Variants in TEX14 observed in about 807,000 individuals in gnomAD.
TEX14 encodes testis expressed 14, intercellular bridge forming factor.
In TEX14, 168 loss-of-function variants were observed where a neutral mutation model predicts 178.6. That is an observed-to-expected ratio of 0.94 (90% CI 0.83 to 1.07). The LOEUF (loss-of-function observed/expected upper bound fraction) is 1.07, where lower values mean the gene tolerates loss of function less well. Ranked by LOEUF, TEX14 falls within the 50% of genes least tolerant of loss-of-function variation. The probability of loss-of-function intolerance (pLI) is 0.00; values close to 1 mark genes in which losing one functional copy is unlikely to be tolerated. For missense variants in TEX14, 1,730 were observed against 1,753.6 expected (o/e 0.99, Z 0.24); for synonymous variants, 626 against 634.1 (o/e 0.99, Z 0.19).
At chr17:58,647,844 T>TG (rs1257364299) in intron 2 of TEX14, 1 of 152,004 alleles carries the variant, frequency 6.6e-6, no homozygotes, top group African/African-American at 2.4e-5. Context: ...ACTACAGGCA[T>TG]GTGCCACCAA....
At chr17:58,660,473 C>T in intron 1 of TEX14, 1 of 602,550 alleles carries the variant, frequency 1.7e-6, no homozygotes, top group Non-Finnish European at 3.0e-6. Context: ...GCATCTTTGC[C>T]TTCGTTTTAC....
intron 1 of TEX14, among the ~76,000 whole-genome samples, chr17:58,669,733 C>CAAAAAAAAAAAAAAAAAAA: frequency 1.8e-5 from 1 of 56,300 alleles, no homozygotes; most frequent in Non-Finnish European, 3.5e-5. Context: ...GACTCCGTCT[C>CAAAAAAAAAAAAAAAAAAA]AAAAAAAAAA....
intron 2 of TEX14, among the ~76,000 whole-genome samples, chr17:58,639,591 T>G (rs1373805695): frequency 1.3e-5 from 2 of 152,082 alleles, no homozygotes; most frequent in Non-Finnish European, 2.9e-5. Context: ...TCCCAGCTAC[T>G]TGGGAGGCTG....
Position 58,602,513 on chromosome 17 carries a change from C to T in TEX14, c.1414G>A (p.Val472Ile). The T allele has an allele frequency of 8.1e-6, 13 of 1,614,002 alleles. No homozygotes were observed. Among genetic ancestry groups the T allele is most frequent in the Non-Finnish European group, 1.1e-5 (13 of 1,179,996 alleles). ...VVSGNYLEAD[V>I]RLPKPYYDIV... ...TCATAGTAAGGTTTCGGAAGCCTGA[C>T]ATCAGCTTCTAAATAATTCCCCGAG... Residue 472 changes from valine (V) to isoleucine (I), a missense_variant, in exon 12 of 32, where the codon GTC (valine) becomes ATC (isoleucine). Coordinates refer to ENST00000349033, the MANE Select transcript of TEX14 (RefSeq NM_031272.5).
intron 15 of TEX14, among the ~76,000 whole-genome samples, chr17:58,590,276 A>AAC (rs1555569004): frequency 6.6e-6 from 1 of 151,314 alleles, no homozygotes; most frequent in Non-Finnish European, 1.5e-5. Context: ...AAAAAAAAAA[A>AAC]AAAACCATGA....
chr17:58,613,326 A>C, intron 9 of TEX14, 95 bp downstream of exon 9: 1 of 1,460,062 alleles, frequency 6.8e-7, no homozygotes, highest in Non-Finnish European at 9.5e-7. Context: ...TCTTCCATGC[A>C]TGCAGAAATG....
chr17:58,598,183 G>A lies in TEX14; in HGVS notation c.2469+693C>T, dbSNP rs140002869. ...TACAAAATTAGCCAGGCATGGTGGC[G>A]CATGACTGTAATCCCACCTGCTAGG... On this transcript the variant is annotated intron_variant, in intron 14 of 31. Transcript: ENST00000349033. Among the ~76,000 whole-genome samples, 1,300 of 151,956 alleles carry A rather than the reference G, an allele frequency of 8.6e-3. 7 individuals are homozygous for A. Among genetic ancestry groups the A allele is most frequent in the Non-Finnish European group, 0.014 (924 of 67,940 alleles).
intron 2 of TEX14, among the ~76,000 whole-genome samples, chr17:58,644,738 G>A (rs996004752): frequency 7.1e-6 from 1 of 140,652 alleles, no homozygotes; most frequent in African/African-American, 2.7e-5. Context: ...GCCCCCCCTG[G>A]TTCAAGCGAT....
At chr17:58,642,262 C>T (rs1457070348) in intron 2 of TEX14, among the ~76,000 whole-genome samples, 3 of 152,290 alleles carry the variant, frequency 2.0e-5, no homozygotes, top group Non-Finnish European at 2.9e-5. Context: ...ATTCACATGG[C>T]ACAGTGTTCT....
intron 2 of TEX14, among the ~76,000 whole-genome samples, chr17:58,635,022 C>T (rs1030321288): frequency 6.6e-6 from 1 of 151,880 alleles, no homozygotes; most frequent in Non-Finnish European, 1.5e-5. Flanking sequence ...ATACTAGCTA[C>T]TCAGGAGGCT....
intron 3 of TEX14, among the ~76,000 whole-genome samples, chr17:58,629,405 G>A (rs148007057): frequency 0.037 from 5,302 of 143,424 alleles, 149 homozygotes; most frequent in East Asian, 0.082. Flanking sequence ...AGTGAGCCAA[G>A]ATCCTGCCAC....
At chr17:58,590,857 A>C (rs2045119228) in intron 15 of TEX14, among the ~76,000 whole-genome samples, 1 of 151,828 alleles carries the variant, frequency 6.6e-6, no homozygotes. Flanking sequence ...GCCCAGCCCA[A>C]CAATTTCAAA....
chr17:58,575,054 A>G (rs2044643591), intron 21 of TEX14, among the ~76,000 whole-genome samples: 1 of 152,078 alleles, frequency 6.6e-6, no homozygotes, highest in African/African-American at 2.4e-5. Context: ...ATTCAATGTC[A>G]GTACTCACTG....
intron 15 of TEX14, among the ~76,000 whole-genome samples, chr17:58,592,335 T>C (rs2045167236): frequency 6.6e-6 from 1 of 151,234 alleles, no homozygotes; most frequent in African/African-American, 2.4e-5. Context: ...GTTCGAGTGA[T>C]TCTTTTTTTT....
chr17:58,592,983 C>T (rs2045193426), intron 15 of TEX14, among the ~76,000 whole-genome samples: 1 of 151,900 alleles, frequency 6.6e-6, no homozygotes, highest in African/African-American at 2.4e-5. Context: ...AATACATATA[C>T]ATATATGTAT....
chr17:58,579,541 C>T, intron 20 of TEX14, 124 bp downstream of exon 20: 1 of 773,458 alleles, frequency 1.3e-6, no homozygotes, highest in South Asian at 1.8e-5. Flanking sequence ...GTTTTCTCAA[C>T]CATATAATGA....
At position 58,593,640 on chromosome 17, in the gene TEX14, CA is replaced by C; in HGVS notation, c.2490del (p.Gly831GlufsTer72). On this transcript the variant is annotated frameshift_variant, in exon 15 of 32. Transcript: ENST00000349033. LOFTEE classifies it high-confidence loss of function. ...FPRMLPTLCD[P>X]GKQNTDEQFQ... ...AATTGTTCATCTGTGTTCTGTTTTCCAGGGTCACAAAGAGTCGGCAGCTTAA... is the reference window on the plus strand; with the variant it reads ...AATTGTTCATCTGTGTTCTGTTTTCCGGGTCACAAAGAGTCGGCAGCTTAA... 1 of 1,614,040 alleles carries C rather than the reference CA, an allele frequency of 6.2e-7. No homozygotes were observed. Among genetic ancestry groups the C allele is most frequent in the Non-Finnish European group, 8.5e-7 (1 of 1,179,978 alleles).
At chr17:58,618,038 G>A (rs146765207) in intron 5 of TEX14, among the ~76,000 whole-genome samples, 2 of 152,316 alleles carry the variant, frequency 1.3e-5, no homozygotes, top group East Asian at 1.9e-4. Context: ...CCACGTAAGC[G>A]AGCCATCTTG....
chr17:58,607,634 G>A (rs755542931), intron 10 of TEX14, among the ~76,000 whole-genome samples: 2 of 152,104 alleles, frequency 1.3e-5, no homozygotes, highest in Non-Finnish European at 2.9e-5. Context: ...GCTCCATTTC[G>A]GGCTAGGATT....
Sources: gnomAD v4.1 joint callset for allele counts (sites outside exome capture counted in the v4.1 genomes callset) on GRCh38, gnomAD v4.1.1 for gene constraint, MANE v1.5 for transcripts, NCBI Gene and HGNC (gene_info 2026-07-23, HGNC 2026-07-21) for gene names.